MARK1: variants seen among roughly 807,000 people sequenced by gnomAD.
MARK1 encodes microtubule affinity regulating kinase 1, also known as serine/threonine-protein kinase MARK1.
Under a neutral mutation model 96.3 loss-of-function variants are expected in MARK1, and 40 were observed. The ratio of observed to expected loss-of-function variants is 0.42; its 90% CI spans 0.32 to 0.54. MARK1 has a LOEUF of 0.54. Among genes scored for constraint, MARK1 ranks in the 20% least tolerant of loss-of-function variants. The probability of loss-of-function intolerance (pLI) is 0.16; values close to 1 mark genes in which losing one functional copy is unlikely to be tolerated. For missense variants in MARK1, 719 were observed against 984.6 expected (o/e 0.73, Z 3.61); for synonymous variants, 317 against 341.2 (o/e 0.93, Z 0.78).
At chr1:220,653,442 A>C (rs1668998329) in intron 16 of MARK1, 90 bp downstream of exon 16, 2 of 1,368,724 alleles carry the variant, frequency 1.5e-6, no homozygotes, top group Non-Finnish European at 9.8e-7. Context: ...ATAATTTTCT[A>C]AAATGGTTTC....
At chr1:220,638,768 G>A (rs1328219214) in intron 13 of MARK1, among the ~76,000 whole-genome samples, 5 of 151,934 alleles carry the variant, frequency 3.3e-5, no homozygotes, top group African/African-American at 9.7e-5. Context: ...GTTATTTACT[G>A]TTTTAATTTT....
At chr1:220,641,798 G>A (rs1273654918) in intron 13 of MARK1, among the ~76,000 whole-genome samples, 1 of 152,104 alleles carries the variant, frequency 6.6e-6, no homozygotes, top group Non-Finnish European at 1.5e-5. Flanking sequence ...GGGGTGGGCG[G>A]TTCACCCAGG....
chr1:220,606,099 C>A (rs2102928529), intron 6 of MARK1, among the ~76,000 whole-genome samples: 1 of 152,246 alleles, frequency 6.6e-6, no homozygotes, highest in South Asian at 2.1e-4. Flanking sequence ...CACTGTTTTC[C>A]ACAATGATTG....
intron 17 of MARK1, among the ~76,000 whole-genome samples, chr1:220,659,226 A>G (rs1168756575): frequency 1.3e-5 from 2 of 152,158 alleles, no homozygotes; most frequent in African/African-American, 4.8e-5. Context: ...ACTAACTATA[A>G]AGTACTTTCT....
At chr1:220,611,753 G>C (rs1666457035) in intron 6 of MARK1, among the ~76,000 whole-genome samples, 2 of 151,518 alleles carry the variant, frequency 1.3e-5, no homozygotes, top group African/African-American at 4.9e-5. Context: ...ATTTTTTTGA[G>C]ACAGAGTCTT....
At chr1:220,548,569 A>G (rs1661654321) in intron 1 of MARK1, among the ~76,000 whole-genome samples, 2 of 152,106 alleles carry the variant, frequency 1.3e-5, no homozygotes, top group Admixed American at 1.3e-4. Flanking sequence ...GCGAAACTCC[A>G]TCTCTACTGA....
intron 1 of MARK1, among the ~76,000 whole-genome samples, chr1:220,539,383 A>G (rs940082536): frequency 2.0e-5 from 3 of 151,992 alleles, no homozygotes; most frequent in Non-Finnish European, 2.9e-5. Context: ...ATTGATTTGC[A>G]TATATTGAAC....
At chr1:220,562,207 G>A (rs1413392847) in intron 1 of MARK1, among the ~76,000 whole-genome samples, 2 of 152,164 alleles carry the variant, frequency 1.3e-5, no homozygotes, top group Non-Finnish European at 2.9e-5. Context: ...ATTCACGCCA[G>A]TAATCCCAGC....
At position 220,652,101 on chromosome 1, in the gene MARK1, A is replaced by G. The variant is rs1254731665; in HGVS notation, c.1687A>G (p.Lys563Glu). The G allele has an allele frequency of 5.0e-6, 8 of 1,613,336 alleles. No individual in the cohort carries two copies. The highest frequency in any genetic ancestry group is 6.8e-6 in the Non-Finnish European group (8 of 1,179,576). Reference sequence around the variant, plus strand: ...CATGTCCACTTCTGGTCATCCTATTAAAGTCACACTGCCAACCATTAAAGA... The same window carrying G: ...CATGTCCACTTCTGGTCATCCTATTGAAGTCACACTGCCAACCATTAAAGA... The part of the protein sequence containing the change: ...KSMSTSGHPI[K>E]VTLPTIKDGS... Residue 563 changes from lysine to glutamate, a missense_variant, in exon 15 of 18, where the codon AAA becomes GAA. Coordinates refer to ENST00000366917, the MANE Select transcript of MARK1 (RefSeq NM_018650.5).
In MARK1 at chr1:220,627,404, A is replaced by T. The variant is rs1667407565; in HGVS notation, c.910-3631A>T. On this transcript the variant is annotated intron_variant, in intron 9 of 17. Transcript: ENST00000366917. ...AGAAGAGGAGAAAACCAAGGAGGAG[A>T]AGCCAGAAGCCAAAGGGGTCAAGGA... 7 of 479,900 alleles carry T rather than the reference A, an allele frequency of 1.5e-5. 1 individual carries two copies. The highest frequency in any genetic ancestry group is 9.2e-5 in the South Asian group (6 of 65,544). 29.7% of individuals were successfully genotyped at this position (479,900 alleles called of 1,614,324 possible). A position where few individuals can be genotyped will look rare whatever the true frequency, so the allele number is the denominator to read the frequency against.
intron 3 of MARK1, among the ~76,000 whole-genome samples, chr1:220,594,574 G>A (rs529380368): frequency 2.0e-5 from 3 of 152,288 alleles, no homozygotes; most frequent in Admixed American, 6.5e-5. Context: ...GCACATGGAT[G>A]TTTATATAGC....
intron 9 of MARK1, among the ~76,000 whole-genome samples, chr1:220,620,142 T>G (rs1666972929): frequency 6.6e-6 from 1 of 152,230 alleles, no homozygotes; most frequent in Non-Finnish European, 1.5e-5. Flanking sequence ...TCATGATTTT[T>G]TTACCGAATT....
chr1:220,569,081 C>G (rs887067220), intron 1 of MARK1, among the ~76,000 whole-genome samples: 11 of 152,070 alleles, frequency 7.2e-5, no homozygotes, highest in African/African-American at 2.4e-4. Flanking sequence ...AAACTCTAAT[C>G]GTTGTAATCT....
rs1361653593 is a variant in MARK1 at position 220,536,530 on chromosome 1, A to T, written c.51+7657A>T. 2.0e-5 allele frequency among the ~76,000 whole-genome samples: 3 copies of T among 151,772 alleles called. No individual in the cohort carries two copies. The South Asian group carries it at 6.2e-4, about 31-fold the overall frequency. On this transcript the variant is annotated intron_variant, in intron 1 of 17. Coordinates refer to ENST00000366917, the MANE Select transcript of MARK1 (RefSeq NM_018650.5). ...TGCAATGGCTACATTAGAGTGGGTGAACTAGCATTTATTTAACCAGTCCTC... is the reference window on the plus strand; with the variant it reads ...TGCAATGGCTACATTAGAGTGGGTGTACTAGCATTTATTTAACCAGTCCTC...
intron 13 of MARK1, among the ~76,000 whole-genome samples, chr1:220,648,704 G>T (rs1558322890): frequency 6.6e-6 from 1 of 152,198 alleles, no homozygotes; most frequent in Non-Finnish European, 1.5e-5. Context: ...AAGGAATTAA[G>T]TTATTCATAT....
At chr1:220,619,893 A>G (rs536763586) in intron 9 of MARK1, among the ~76,000 whole-genome samples, 37 of 152,218 alleles carry the variant, frequency 2.4e-4, no homozygotes, top group Non-Finnish European at 4.6e-4. Flanking sequence ...TTAACCTCAT[A>G]TAAACTGTAC....
chr1:220,595,086 T>C (rs1479897269), intron 3 of MARK1, among the ~76,000 whole-genome samples: 2 of 152,180 alleles, frequency 1.3e-5, no homozygotes, highest in Non-Finnish European at 2.9e-5. Context: ...TGGGGGAGGC[T>C]CTGCATATGT....
At chr1:220,560,320 T>C (rs915135315) in intron 1 of MARK1, among the ~76,000 whole-genome samples, 1 of 152,210 alleles carries the variant, frequency 6.6e-6, no homozygotes, top group African/African-American at 2.4e-5. Context: ...ACTGCAGATA[T>C]ACATATACTG....
chr1:220,584,890 A>AT (rs1183575703), intron 3 of MARK1, among the ~76,000 whole-genome samples: 173 of 152,360 alleles, frequency 1.1e-3, no homozygotes, highest in African/African-American at 3.9e-3. Flanking sequence ...CATGCTATAT[A>AT]GCATATTTCA....
Sources: allele counts gnomAD v4.1 joint callset (sites outside exome capture counted in the v4.1 genomes callset), GRCh38; gene constraint gnomAD v4.1.1; transcripts MANE v1.5; gene names NCBI Gene and HGNC (gene_info 2026-07-23, HGNC 2026-07-21).